The following TEAD1 variants were observed in gnomAD, a reference collection of about 807,000 sequenced individuals.
TEAD1 encodes the protein transcriptional enhancer factor TEF-1.
A neutral mutation model predicts 54.9 loss-of-function variants in TEAD1; 9 were observed. The ratio of observed to expected loss-of-function variants is 0.16; its 90% CI spans 0.10 to 0.29. The LOEUF (loss-of-function observed/expected upper bound fraction) is 0.29, where lower values mean the gene tolerates loss of function less well. Ranked by LOEUF, TEAD1 falls within the 10% of genes least tolerant of loss-of-function variation. The pLI is 1.00. For missense variants in TEAD1, 387 were observed against 535.9 expected (o/e 0.72, Z 2.74); for synonymous variants, 200 against 187.8 (o/e 1.07, Z -0.53).
At chr11:12,871,983 A>G (rs1225433746) in intron 5 of TEAD1, among the ~76,000 whole-genome samples, 1 of 152,088 alleles carries the variant, frequency 6.6e-6, no homozygotes, top group South Asian at 2.1e-4. Context: ...TATGAGCTAC[A>G]TGTGCTCCCC....
At chr11:12,842,286 G>A (rs1281120585) in intron 3 of TEAD1, among the ~76,000 whole-genome samples, 2 of 152,162 alleles carry the variant, frequency 1.3e-5, no homozygotes, top group African/African-American at 4.8e-5. Context: ...CCACCGTTAC[G>A]AGAATACCTA....
At chr11:12,731,319 A>G (rs952774171) in intron 2 of TEAD1, among the ~76,000 whole-genome samples, 1 of 152,208 alleles carries the variant, frequency 6.6e-6, no homozygotes, top group African/African-American at 2.4e-5. Context: ...AAATACAGAG[A>G]AGCAAAAACT....
intron 3 of TEAD1, among the ~76,000 whole-genome samples, chr11:12,807,269 A>G (rs576894424): frequency 1.1e-3 from 167 of 152,316 alleles, no homozygotes; most frequent in African/African-American, 3.8e-3. Context: ...TTTCTTTGCC[A>G]CAGGGTATAG....
At chr11:12,796,608 T>G (rs1945931023) in intron 3 of TEAD1, among the ~76,000 whole-genome samples, 1 of 151,570 alleles carries the variant, frequency 6.6e-6, no homozygotes, top group Non-Finnish European at 1.5e-5. Flanking sequence ...ACCTGTAGTC[T>G]CAGCTACTTG....
chr11:12,913,216 A>G (rs193180859), intron 10 of TEAD1, among the ~76,000 whole-genome samples: 100 of 152,208 alleles, frequency 6.6e-4, no homozygotes, highest in African/African-American at 2.3e-3. Context: ...CCCCCTCTCC[A>G]TGTGCAGGTA....
Position 12,877,779 on chromosome 11 carries a change from T to C in TEAD1, c.331-1929T>C, listed in dbSNP as rs572959018. 2.2e-3 allele frequency among the ~76,000 whole-genome samples: 305 copies of C among 138,056 alleles called. 1 individual carries two copies. The highest frequency in any genetic ancestry group is 7.5e-3 in the African/African-American group (288 of 38,304). 90.6% of individuals were successfully genotyped at this position (138,056 alleles called of 152,430 possible). A position where few individuals can be genotyped will look rare whatever the true frequency, so the allele number is the denominator to read the frequency against. ...CCTTTTCTCCCTCCCACCCTCCCTTTCTTCCTTCCTTTTCTCCTTCATTCT... is the reference window on the plus strand; with the variant it reads ...CCTTTTCTCCCTCCCACCCTCCCTTCCTTCCTTCCTTTTCTCCTTCATTCT... On this transcript the variant is annotated intron_variant, in intron 5 of 12. Coordinates refer to ENST00000527636, the MANE Select transcript of TEAD1 (RefSeq NM_021961.6).
In TEAD1 at chr11:12,939,164, C is replaced by G. The variant is rs10734207; in HGVS notation, c.*1942C>G. On this transcript the variant is annotated 3_prime_UTR_variant, in exon 13 of 13. Coordinates refer to ENST00000527636, the MANE Select transcript of TEAD1 (RefSeq NM_021961.6). Reference sequence around the variant, plus strand: ...TTGGAATGCCCATTCCTTCTAGAAACCAGTTGGACAGTGCTCCTCTGCCCT... The same window carrying G: ...TTGGAATGCCCATTCCTTCTAGAAAGCAGTTGGACAGTGCTCCTCTGCCCT... The G allele has an allele frequency of 0.41, 61,948 of 152,074 alleles. 13,036 individuals are homozygous for G. The highest frequency in any genetic ancestry group is 0.54 in the East Asian group (2,762 of 5,156). The allele number at this position is 152,074 out of a possible 1,614,324, so 9.4% of individuals were successfully genotyped here.
chr11:12,831,686 G>A (rs1159147384), intron 3 of TEAD1, among the ~76,000 whole-genome samples: 1 of 151,890 alleles, frequency 6.6e-6, no homozygotes, highest in Non-Finnish European at 1.5e-5. Flanking sequence ...GGCTGAGGTG[G>A]GAGGATTACT....
chr11:12,851,220 A>G, intron 3 of TEAD1: 1 of 399,892 alleles, frequency 2.5e-6, no homozygotes, highest in South Asian at 1.0e-4. Flanking sequence ...AAACAACAAC[A>G]GAGGATACTA....
chr11:12,750,603 C>G (rs1413894000), intron 2 of TEAD1, among the ~76,000 whole-genome samples: 1 of 152,206 alleles, frequency 6.6e-6, no homozygotes, highest in Non-Finnish European at 1.5e-5. Context: ...TGCTCACACA[C>G]TCCTGGTGTT....
chr11:12,765,311 C>A (rs184400510), intron 3 of TEAD1, among the ~76,000 whole-genome samples: 1 of 152,250 alleles, frequency 6.6e-6, no homozygotes, highest in Admixed American at 6.5e-5. Flanking sequence ...AAGCAGATGG[C>A]AGGTGTAGTT....
chr11:12,696,944 C>A (rs772612508), intron 2 of TEAD1, among the ~76,000 whole-genome samples: 2 of 152,162 alleles, frequency 1.3e-5, no homozygotes, highest in Non-Finnish European at 2.9e-5. Context: ...CACTTCCACC[C>A]TGTCTCAGAC....
intron 3 of TEAD1, among the ~76,000 whole-genome samples, chr11:12,852,218 G>A (rs1357723586): frequency 1.6e-5 from 2 of 125,938 alleles, no homozygotes; most frequent in Admixed American, 8.9e-5. Context: ...TACAGGAGTG[G>A]GCTCTTAGCT....
intron 9 of TEAD1, among the ~76,000 whole-genome samples, chr11:12,900,268 C>G (rs1177327990): frequency 6.6e-6 from 1 of 150,990 alleles, no homozygotes; most frequent in Non-Finnish European, 1.5e-5. Flanking sequence ...ACTGTGTTGT[C>G]CAGGCTGGTC....
intron 2 of TEAD1, among the ~76,000 whole-genome samples, chr11:12,742,973 G>A (rs943119936): frequency 1.3e-5 from 2 of 152,188 alleles, no homozygotes; most frequent in African/African-American, 2.4e-5. Flanking sequence ...TGATTCCAGA[G>A]TGGCCCGTGG....
chr11:12,928,506 G>C (rs1322783311), intron 11 of TEAD1, among the ~76,000 whole-genome samples: 1 of 151,992 alleles, frequency 6.6e-6, no homozygotes, highest in Non-Finnish European at 1.5e-5. Flanking sequence ...CTGGGCTCAA[G>C]CGATCTGCCT....
rs1278142028 is a variant in TEAD1, at chr11:12,901,854, T to A, written c.700-86T>A. On this transcript the variant is annotated intron_variant, in intron 9 of 12. Transcript: ENST00000527636. Reference sequence around the variant, plus strand: ...AGGCCTAATTCCAGAATTTTGGTACTACTGCTCTTTATCCAGTTCAAGATG... The same window carrying A: ...AGGCCTAATTCCAGAATTTTGGTACAACTGCTCTTTATCCAGTTCAAGATG... 2.6e-6 allele frequency: 4 copies of A among 1,552,378 alleles called. No individual in the cohort carries two copies. The Admixed American group carries it at 6.7e-5, about 26-fold the overall frequency.
intron 2 of TEAD1, among the ~76,000 whole-genome samples, chr11:12,679,409 A>G (rs77433320): frequency 0.029 from 4,379 of 152,294 alleles, 222 homozygotes; most frequent in African/African-American, 0.1. Context: ...TTGATGAACA[A>G]GTTAAGCATC....
intron 2 of TEAD1, among the ~76,000 whole-genome samples, chr11:12,729,530 A>C (rs540444349): frequency 2.4e-4 from 36 of 152,328 alleles, no homozygotes; most frequent in African/African-American, 8.7e-4. Context: ...AGAAAGATGG[A>C]AACCTAGGTT....
Sources: gnomAD v4.1 joint callset for allele counts (sites outside exome capture counted in the v4.1 genomes callset) on GRCh38, gnomAD v4.1.1 for gene constraint, MANE v1.5 for transcripts, NCBI Gene and HGNC (gene_info 2026-07-23, HGNC 2026-07-21) for gene names.